NRG3: variants seen among roughly 807,000 people sequenced by gnomAD.
NRG3 encodes the protein pro-neuregulin-3, membrane-bound isoform.
In NRG3, 31 loss-of-function variants were observed where a neutral mutation model predicts 66.9. The observed-to-expected ratio is 0.46, with a 90% CI of 0.35 to 0.63. The LOEUF is 0.63. Among genes scored for constraint, NRG3 ranks in the 20% least tolerant of loss-of-function variants. NRG3 has a pLI of 0.00. For missense variants in NRG3, 910 were observed against 878.9 expected (o/e 1.04, Z -0.45); for synonymous variants, 393 against 359.4 (o/e 1.09, Z -1.06).
At chr10:82,761,776 T>C (rs577922189) in intron 3 of NRG3, among the ~76,000 whole-genome samples, 14 of 151,876 alleles carry the variant, frequency 9.2e-5, no homozygotes, top group Non-Finnish European at 1.6e-4. Context: ...AATGGAATGC[T>C]TCTCAGTATT....
intron 1 of NRG3, among the ~76,000 whole-genome samples, chr10:82,223,174 C>T (rs1008850502): frequency 3.9e-5 from 6 of 152,032 alleles, no homozygotes; most frequent in Admixed American, 1.3e-4. Context: ...CCAGAACAAC[C>T]CTGTCTACTC....
chr10:82,780,472 T>C (rs932239752), intron 3 of NRG3, among the ~76,000 whole-genome samples: 12 of 146,080 alleles, frequency 8.2e-5, no homozygotes, highest in African/African-American at 3.1e-4. Context: ...TCTTTTTTTT[T>C]TTCTTTTCTT....
chr10:82,855,032 G>T (rs1305235536), intron 3 of NRG3, among the ~76,000 whole-genome samples: 1 of 152,124 alleles, frequency 6.6e-6, no homozygotes, highest in East Asian at 1.9e-4. Context: ...GCAGGAGAGG[G>T]TTCCTCTTCT....
intron 2 of NRG3, among the ~76,000 whole-genome samples, chr10:82,495,323 T>C (rs1444184743): frequency 1.3e-5 from 2 of 152,190 alleles, no homozygotes; most frequent in Non-Finnish European, 2.9e-5. Flanking sequence ...CTTCTGGCAT[T>C]ATAATAAGTT....
intron 2 of NRG3, among the ~76,000 whole-genome samples, chr10:82,392,895 TATA>T (rs1589964961): frequency 1.2e-5 from 1 of 86,630 alleles, no homozygotes. Flanking sequence ...TATATATATA[TATA>T]TTTTTTGCAG....
At chr10:82,490,132 C>T (rs1329317921) in intron 2 of NRG3, among the ~76,000 whole-genome samples, 1 of 152,198 alleles carries the variant, frequency 6.6e-6, no homozygotes, top group African/African-American at 2.4e-5. Flanking sequence ...CTTAAGAAAA[C>T]TGTCATCTGA....
At chr10:82,100,416 A>G (rs2066657407) in intron 1 of NRG3, among the ~76,000 whole-genome samples, 1 of 151,982 alleles carries the variant, frequency 6.6e-6, no homozygotes, top group South Asian at 2.1e-4. Flanking sequence ...GTTTATTATA[A>G]TGTTGAATAC....
At chr10:82,502,053 A>G (rs1160311458) in intron 2 of NRG3, among the ~76,000 whole-genome samples, 1 of 152,228 alleles carries the variant, frequency 6.6e-6, no homozygotes, top group African/African-American at 2.4e-5. Flanking sequence ...CTTAAGTCAT[A>G]GGCAGCAGAG....
intron 3 of NRG3, among the ~76,000 whole-genome samples, chr10:82,780,364 A>T (rs1221116882): frequency 6.6e-6 from 1 of 151,974 alleles, no homozygotes; most frequent in Non-Finnish European, 1.5e-5. Context: ...CTATTTCTCC[A>T]CATCCTCTCC....
intron 1 of NRG3, among the ~76,000 whole-genome samples, chr10:82,256,616 T>G (rs74601982): frequency 6.6e-6 from 1 of 152,310 alleles, no homozygotes; most frequent in East Asian, 1.9e-4. Flanking sequence ...TCTTGTGGGA[T>G]AACTATGGGA....
At chr10:82,122,463 A>C (rs2068153097) in intron 1 of NRG3, among the ~76,000 whole-genome samples, 1 of 152,164 alleles carries the variant, frequency 6.6e-6, no homozygotes, top group Non-Finnish European at 1.5e-5. Context: ...ATACTTGGTC[A>C]AACTTGGCCA....
chr10:81,945,533 C>T (rs939222540), intron 1 of NRG3, among the ~76,000 whole-genome samples: 2 of 152,108 alleles, frequency 1.3e-5, no homozygotes, highest in African/African-American at 4.8e-5. Context: ...TCATAGAACA[C>T]ATAATATCTT....
rs144503622 is a variant in NRG3 at position 82,360,312 on chromosome 10, C to G, written c.953+1444C>G. Among the ~76,000 whole-genome samples, 1,043 of 152,280 alleles carry G rather than the reference C, an allele frequency of 6.8e-3. 10 individuals are homozygous for G. Among genetic ancestry groups the G allele is most frequent in the African/African-American group, 0.024 (982 of 41,548 alleles). ...CCAGGAATGAGCTACTCCTTCAAAG[C>G]GTGATGTGCATGCAAGCTCTTTTAG... On this transcript the variant is annotated intron_variant, in intron 2 of 8. Transcript: ENST00000372141.
At chr10:82,463,681 G>A (rs1418880767) in intron 2 of NRG3, among the ~76,000 whole-genome samples, 1 of 152,170 alleles carries the variant, frequency 6.6e-6, no homozygotes, top group Non-Finnish European at 1.5e-5. Flanking sequence ...TGTCAAGGCT[G>A]GATAACTGGG....
chr10:82,845,797 A>C (rs951933637), intron 3 of NRG3, among the ~76,000 whole-genome samples: 1 of 152,216 alleles, frequency 6.6e-6, no homozygotes, highest in Non-Finnish European at 1.5e-5. Context: ...TATTTCTGTG[A>C]AATCGAATCA....
chr10:82,906,688 T>C (rs899943567), intron 4 of NRG3, among the ~76,000 whole-genome samples: 13 of 152,226 alleles, frequency 8.5e-5, no homozygotes, highest in Non-Finnish European at 7.3e-5. Flanking sequence ...CATCCTAATA[T>C]GCTTTCTCGC....
At chr10:82,288,358 G>A (rs987505185) in intron 1 of NRG3, among the ~76,000 whole-genome samples, 1 of 152,090 alleles carries the variant, frequency 6.6e-6, no homozygotes, top group Admixed American at 6.5e-5. Context: ...AATTTACTCG[G>A]TATTATTCGG....
At chr10:82,740,634 G>T (rs1212107816) in intron 3 of NRG3, among the ~76,000 whole-genome samples, 1 of 152,004 alleles carries the variant, frequency 6.6e-6, no homozygotes, top group East Asian at 1.9e-4. Flanking sequence ...GACCAGCCTG[G>T]CCAACATGGT....
chr10:82,238,919 T>TATATATATATATATATATATATATAC (rs372472574), intron 1 of NRG3, among the ~76,000 whole-genome samples: 6,961 of 141,306 alleles, frequency 0.049, 197 homozygotes, highest in Middle Eastern at 0.078. Context: ...ACCGTATATA[T>TATATATATATATATATATATATATAC]ATATATATAA....
Sources: gnomAD v4.1 joint callset for allele counts (sites outside exome capture counted in the v4.1 genomes callset) on GRCh38, gnomAD v4.1.1 for gene constraint, MANE v1.5 for transcripts, NCBI Gene and HGNC (gene_info 2026-07-23, HGNC 2026-07-21) for gene names.